The following CTNNA2 variants were observed in gnomAD, a reference collection of about 807,000 sequenced individuals.
The protein encoded by CTNNA2 is catenin alpha 2.
A neutral mutation model predicts 101.0 loss-of-function variants in CTNNA2; 42 were observed. The observed-to-expected ratio is 0.42, with a 90% CI of 0.32 to 0.54. The LOEUF is 0.54. CTNNA2 is among the 20% of genes least tolerant of loss of function. The pLI is 0.14. For missense variants in CTNNA2, 871 were observed against 1,223.1 expected (o/e 0.71, Z 4.29); for synonymous variants, 450 against 456.4 (o/e 0.99, Z 0.18).
chr2:80,336,139 C>T (rs1266115766), intron 7 of CTNNA2, among the ~76,000 whole-genome samples: 2 of 152,166 alleles, frequency 1.3e-5, no homozygotes, highest in East Asian at 3.9e-4. Context: ...ATTTATTTCT[C>T]ATGATTCTGA....
intron 3 of CTNNA2, among the ~76,000 whole-genome samples, chr2:79,367,073 G>T (rs536344835): frequency 6.6e-6 from 1 of 152,216 alleles, no homozygotes; most frequent in African/African-American, 2.4e-5. Context: ...AGGTCATAAG[G>T]GTAGAGCCCT....
chr2:79,609,850 A>G (rs1210345255), intron 1 of CTNNA2, among the ~76,000 whole-genome samples: 4 of 152,166 alleles, frequency 2.6e-5, no homozygotes, highest in African/African-American at 9.6e-5. Context: ...AAACTTCTAG[A>G]AGGAGACATA....
chr2:79,680,505 AAAAT>A lies in CTNNA2; in HGVS notation c.102+28848_102+28851del, dbSNP rs1683491906. On this transcript the variant is annotated intron_variant, in intron 2 of 18. Transcript: ENST00000402739. ...ACAAGAAAACATTGAGTGTATATGTAAAATGAAGGCTTTTCCTTGAATGTACCAC... is the reference window on the plus strand; with the variant it reads ...ACAAGAAAACATTGAGTGTATATGTAGAAGGCTTTTCCTTGAATGTACCAC... Among the ~76,000 whole-genome samples the A allele has an allele frequency of 4.6e-5, 7 of 152,170 alleles. No individual in the cohort carries two copies. The South Asian group carries it at 1.4e-3, about 31-fold the overall frequency.
In CTNNA2 at chr2:79,361,426, A is replaced by G. The variant is rs116908966; in HGVS notation, c.-317-12405A>G. The stretch of plus-strand genomic sequence containing the variant: ...ATGAATGGGAAATATAAATGGCAAC[A>G]CCGATTAGGGTTCTTTGATCTCTTT... On this transcript the variant is annotated intron_variant, in intron 3 of 21. Transcript: ENST00000466387. Among the ~76,000 whole-genome samples the G allele has an allele frequency of 1.7e-3, 256 of 152,302 alleles. 3 individuals are homozygous for G. In the East Asian group the frequency reaches 0.033, roughly 19 times the overall value.
chr2:80,086,686 C>G (rs1699455767), intron 7 of CTNNA2, among the ~76,000 whole-genome samples: 1 of 152,018 alleles, frequency 6.6e-6, no homozygotes, highest in Admixed American at 6.6e-5. Context: ...TTAAGTTTAT[C>G]TATAGGCAAA....
intron 3 of CTNNA2, among the ~76,000 whole-genome samples, chr2:79,343,751 A>T (rs1401205279): frequency 8.4e-6 from 1 of 118,680 alleles, no homozygotes; most frequent in Admixed American, 8.2e-5. Context: ...TATTATTATT[A>T]TTATTATTTG....
intron 1 of CTNNA2, among the ~76,000 whole-genome samples, chr2:79,582,146 A>G (rs1200719000): frequency 6.6e-6 from 1 of 152,258 alleles, no homozygotes; most frequent in Non-Finnish European, 1.5e-5. Flanking sequence ...TAAACTTGGC[A>G]GAATGCCTCC....
intron 1 of CTNNA2, among the ~76,000 whole-genome samples, chr2:79,193,064 T>G (rs1673896016): frequency 6.6e-6 from 1 of 152,194 alleles, no homozygotes; most frequent in Non-Finnish European, 1.5e-5. Flanking sequence ...CCTAGCAACA[T>G]TTAGTACTGC....
chr2:80,181,874 C>T (rs559667113), intron 7 of CTNNA2, among the ~76,000 whole-genome samples: 4 of 152,226 alleles, frequency 2.6e-5, no homozygotes, highest in East Asian at 1.9e-4. Flanking sequence ...AAGTAGAGTC[C>T]TTAGCATTTT....
chr2:79,578,153 A>G (rs908429813), intron 1 of CTNNA2, among the ~76,000 whole-genome samples: 1 of 152,176 alleles, frequency 6.6e-6, no homozygotes, highest in Non-Finnish European at 1.5e-5. Flanking sequence ...TGGCTCTGTA[A>G]CTAGAAGTAC....
chr2:80,147,121 A>G (rs564508137), intron 7 of CTNNA2, among the ~76,000 whole-genome samples: 3 of 151,980 alleles, frequency 2.0e-5, no homozygotes, highest in Admixed American at 6.6e-5. Context: ...ACACACCATC[A>G]TGCCTGGCTA....
intron 3 of CTNNA2, among the ~76,000 whole-genome samples, chr2:79,764,991 A>C (rs1448353292): frequency 1.3e-5 from 2 of 152,124 alleles, no homozygotes; most frequent in African/African-American, 4.8e-5. Context: ...GAGTAATTAG[A>C]GGTTATGGTA....
chr2:79,276,090 C>T (rs975025889), intron 2 of CTNNA2, among the ~76,000 whole-genome samples: 2 of 151,822 alleles, frequency 1.3e-5, no homozygotes, highest in African/African-American at 2.4e-5. Flanking sequence ...GAACAGAATA[C>T]GCAAATAAAC....
rs1250877695 is a variant in CTNNA2 at position 79,682,392 on chromosome 2, C to T, written c.102+30734C>T. Among the ~76,000 whole-genome samples the T allele has an allele frequency of 1.5e-4, 16 of 108,480 alleles. No homozygotes were observed. The East Asian group carries it at 4.6e-3, about 31-fold the overall frequency. 71.2% of individuals were successfully genotyped at this position (108,480 alleles called of 152,430 possible). On this transcript the variant is annotated intron_variant, in intron 2 of 18. Transcript: ENST00000402739. ...CGCCACTGCACTCCAGCCTGGGTGA[C>T]AGAGCGAAACTCCATCTCAAAAAAA...
intron 1 of CTNNA2, among the ~76,000 whole-genome samples, chr2:79,603,906 TA>T (rs1235842548): frequency 1.3e-5 from 2 of 152,222 alleles, no homozygotes; most frequent in Non-Finnish European, 2.9e-5. Flanking sequence ...TGGCATTGGT[TA>T]AATGGTGAGG....
At chr2:80,641,534 A>G (rs1673485097) in intron 18 of CTNNA2, among the ~76,000 whole-genome samples, 1 of 152,152 alleles carries the variant, frequency 6.6e-6, no homozygotes. Context: ...ATGTCATGTC[A>G]TCTGCAATGT....
intron 7 of CTNNA2, among the ~76,000 whole-genome samples, chr2:80,219,392 C>A (rs569603566): frequency 1.3e-5 from 2 of 152,100 alleles, no homozygotes; most frequent in Non-Finnish European, 2.9e-5. Context: ...ACACAATGTT[C>A]CTATAGCATT....
intron 1 of CTNNA2, among the ~76,000 whole-genome samples, chr2:79,519,101 C>T (rs913054160): frequency 1.3e-5 from 2 of 151,580 alleles, no homozygotes; most frequent in East Asian, 1.9e-4. Context: ...TGGTGACGGG[C>T]GACTGTAATC....
upstream of CTNNA2, among the ~76,000 whole-genome samples, chr2:79,508,377 A>G (rs1171432793): frequency 1.3e-5 from 2 of 152,286 alleles, no homozygotes; most frequent in Admixed American, 6.5e-5. Context: ...GTGACAATTG[A>G]GAGTAAAATG....
Sources: allele counts gnomAD v4.1 joint callset (sites outside exome capture counted in the v4.1 genomes callset), GRCh38; gene constraint gnomAD v4.1.1; transcripts MANE v1.5; gene names NCBI Gene and HGNC (gene_info 2026-07-23, HGNC 2026-07-21).